The following MTOR variants were observed in gnomAD, a reference collection of about 807,000 sequenced individuals.
The protein encoded by MTOR is mechanistic target of rapamycin kinase.
Under a neutral mutation model 319.8 loss-of-function variants are expected in MTOR, and 70 were observed. The observed-to-expected ratio is 0.22, with a 90% CI of 0.18 to 0.27. The LOEUF (loss-of-function observed/expected upper bound fraction) is 0.27. Ranked by LOEUF, MTOR falls within the 10% of genes least tolerant of loss-of-function variation. The pLI, the probability that MTOR is intolerant of heterozygous loss-of-function variation, is 1.00. For synonymous variants in MTOR, 1,183 were observed against 1,211.4 expected, an observed-to-expected ratio of 0.98 and a Z score of 0.49; for missense variants, 1,890 against 3,274.4, an observed-to-expected ratio of 0.58 and a Z score of 10.32.
chr1:11,139,708 T>C (rs1643597650), intron 34 of MTOR, 50 bp from the exon 35 acceptor site: 2 of 1,610,922 alleles, frequency 1.2e-6, no homozygotes, highest in Non-Finnish European at 1.7e-6. Flanking sequence ...TACATTGTTT[T>C]TGTGGCAGAG....
At chr1:11,213,325 C>T in intron 21 of MTOR, 74 bp downstream of exon 21, 1 of 1,513,566 alleles carries the variant, frequency 6.6e-7, no homozygotes. Flanking sequence ...AATGAGGTCT[C>T]AGCTTTTAGC....
chr1:11,149,528 T>A (rs1644061791), intron 31 of MTOR: 1 of 152,446 alleles, frequency 6.6e-6, no homozygotes, highest in African/African-American at 2.4e-5. Flanking sequence ...ATACCCTTTA[T>A]AATAAACAAG....
At chr1:11,162,659 C>G (rs1472569302) in intron 29 of MTOR, among the ~76,000 whole-genome samples, 4 of 152,168 alleles carry the variant, frequency 2.6e-5, no homozygotes, top group African/African-American at 9.7e-5. Context: ...AATTTTCAAC[C>G]CAGAATTTCA....
At chr1:11,140,134 T>C (rs1643622309) in intron 34 of MTOR, among the ~76,000 whole-genome samples, 1 of 152,044 alleles carries the variant, frequency 6.6e-6, no homozygotes, top group African/African-American at 2.4e-5. Context: ...TTCTGATACA[T>C]TTTAACTTCC....
chr1:11,253,249 T>C (rs908355925), intron 6 of MTOR, among the ~76,000 whole-genome samples: 5 of 152,194 alleles, frequency 3.3e-5, no homozygotes, highest in African/African-American at 9.6e-5. Flanking sequence ...TAAATCCACC[T>C]TCTCAAGCCA....
At chr1:11,196,640 G>T (rs146764847) in intron 28 of MTOR, among the ~76,000 whole-genome samples, 344 of 152,226 alleles carry the variant, frequency 2.3e-3, no homozygotes, top group Non-Finnish European at 3.5e-3. Flanking sequence ...GGATCACGAG[G>T]TCAAGAGAGT....
At chr1:11,245,697 C>T (rs1648716141) in intron 8 of MTOR, among the ~76,000 whole-genome samples, 1 of 152,108 alleles carries the variant, frequency 6.6e-6, no homozygotes, top group Non-Finnish European at 1.5e-5. Flanking sequence ...CCCAGGAGTT[C>T]AAGACCAGCC....
At chr1:11,259,822 C>G (rs1486654991) in intron 1 of MTOR, among the ~76,000 whole-genome samples, 3 of 152,034 alleles carry the variant, frequency 2.0e-5, no homozygotes, top group Non-Finnish European at 4.4e-5. Context: ...ATGTGTCACC[C>G]AGGAGGCTGA....
At position 11,127,086 on chromosome 1, in the gene MTOR, C is replaced by T. The variant is rs2100401986; in HGVS notation, c.6275G>A (p.Gly2092Glu). Residue 2092 changes from glycine to glutamate, a missense_variant, in exon 45 of 58, where the codon GGG becomes GAG. Coordinates refer to ENST00000361445, the MANE Select transcript of MTOR (RefSeq NM_004958.4). The surrounding 1 kb of genome is among the most constrained non-coding windows in gnomAD (Gnocchi z 5.5). ...GGCTTGGGTGAGGTCCTTGACATTC[C>T]CTGATTTCATGTACTTCCTGCACCA... ...QEWCRKYMKS[G>E]NVKDLTQAWD... 1 of 1,614,124 alleles carries T rather than the reference C, an allele frequency of 6.2e-7. No homozygotes were observed. The highest frequency in any genetic ancestry group is 8.5e-7 in the Non-Finnish European group (1 of 1,180,024).
chr1:11,234,428 A>G (rs1160101935), intron 13 of MTOR, among the ~76,000 whole-genome samples, 163 bp from the exon 14 acceptor site: 1 of 152,242 alleles, frequency 6.6e-6, no homozygotes, highest in Non-Finnish European at 1.5e-5. Context: ...TTTCTGCAAC[A>G]GGCAGAACAG....
intron 19 of MTOR, among the ~76,000 whole-genome samples, chr1:11,220,892 G>A (rs182988736): frequency 4.5e-4 from 68 of 152,280 alleles, no homozygotes; most frequent in Admixed American, 9.2e-4. Flanking sequence ...GGAAGAAAAC[G>A]AGGTATAAAG....
chr1:11,117,901 G>A (rs1341410946), intron 49 of MTOR, among the ~76,000 whole-genome samples: 3 of 151,992 alleles, frequency 2.0e-5, no homozygotes, highest in Non-Finnish European at 4.4e-5. Flanking sequence ...CCAACATGGT[G>A]AAATCCCGTT....
chr1:11,194,551 A>G (rs1645701581), intron 28 of MTOR: 2 of 1,614,108 alleles, frequency 1.2e-6, no homozygotes, highest in Non-Finnish European at 1.7e-6. Flanking sequence ...GGGGAACTAC[A>G]CTGGCAATGT....
chr1:11,172,492 G>A (rs1416210590), intron 28 of MTOR, among the ~76,000 whole-genome samples: 3 of 145,308 alleles, frequency 2.1e-5, no homozygotes, highest in Non-Finnish European at 3.0e-5. Context: ...CCCGAGAGGT[G>A]GAGCTTGCTG....
chr1:11,110,298 C>G (rs1641792580), intron 54 of MTOR, among the ~76,000 whole-genome samples: 1 of 152,212 alleles, frequency 6.6e-6, no homozygotes, highest in Non-Finnish European at 1.5e-5. Flanking sequence ...TCACCCTCCA[C>G]TGATTATGGC....
intron 39 of MTOR, 42 bp downstream of exon 39, chr1:11,130,487 G>C (rs201550140): frequency 6.3e-7 from 1 of 1,593,922 alleles, no homozygotes; most frequent in Non-Finnish European, 8.6e-7. Flanking sequence ...CAGAGAGCCT[G>C]GCACCTTGGT....
intron 28 of MTOR, among the ~76,000 whole-genome samples, chr1:11,187,001 A>G (rs958314518): frequency 1.3e-5 from 2 of 152,212 alleles, no homozygotes; most frequent in African/African-American, 4.8e-5. Flanking sequence ...GATGCTTCCA[A>G]TACAAACTTA....
intron 8 of MTOR, among the ~76,000 whole-genome samples, chr1:11,246,501 G>A (rs190202010): frequency 1.3e-5 from 2 of 152,368 alleles, no homozygotes; most frequent in Admixed American, 1.3e-4. Context: ...CTCTGGTTCA[G>A]TGGTTTTATG....
chr1:11,161,529 C>T (rs1483703657), intron 29 of MTOR, among the ~76,000 whole-genome samples: 1 of 152,190 alleles, frequency 6.6e-6, no homozygotes, highest in Non-Finnish European at 1.5e-5. Context: ...CTGGGAGGCA[C>T]CTCCCAGTAG....
Sources: allele counts gnomAD v4.1 joint callset (sites outside exome capture counted in the v4.1 genomes callset), GRCh38; gene constraint gnomAD v4.1.1; non-coding constraint Gnocchi (gnomAD v3.1); transcripts MANE v1.5; gene names NCBI Gene and HGNC (gene_info 2026-07-23, HGNC 2026-07-21).